Variants in ALG9 observed in about 807,000 individuals in gnomAD.
The protein encoded by ALG9 is alpha-1,2-mannosyltransferase ALG9.
A neutral mutation model predicts 81.8 loss-of-function variants in ALG9; 55 were observed. That is an observed-to-expected ratio of 0.67 (90% confidence interval 0.54 to 0.84). The LOEUF (loss-of-function observed/expected upper bound fraction) is 0.84, where lower values mean the gene tolerates loss of function less well. ALG9 is among the 40% of genes least tolerant of loss of function. ALG9 has a pLI of 0.00. For synonymous variants in ALG9, 278 were observed against 274.3 expected (o/e 1.01, Z -0.13); for missense variants, 629 against 745.0 (o/e 0.84, Z 1.81).
intron 10 of ALG9, 107 bp from the exon 11 acceptor site, chr11:111,838,506 C>T: frequency 9.9e-7 from 1 of 1,014,016 alleles, no homozygotes; most frequent in Non-Finnish European, 1.5e-6. Context: ...TGAGCATTTG[C>T]CAACAGTGAG....
chr11:111,856,304 A>T (rs1278691143), intron 6 of ALG9, among the ~76,000 whole-genome samples: 1 of 151,102 alleles, frequency 6.6e-6, no homozygotes, highest in Non-Finnish European at 1.5e-5. Context: ...AAAGAAAAAA[A>T]AATTGTTCAC....
At chr11:111,838,675 T>G (rs535615960) in intron 10 of ALG9, among the ~76,000 whole-genome samples, 4 of 152,192 alleles carry the variant, frequency 2.6e-5, no homozygotes, top group Non-Finnish European at 5.9e-5. Context: ...TTATTTTTTT[T>G]AAATATTTAA....
At chr11:111,812,930 A>AAAAAAAAAAG (rs1304441765) in intron 13 of ALG9, among the ~76,000 whole-genome samples, 7 of 150,998 alleles carry the variant, frequency 4.6e-5, no homozygotes, top group African/African-American at 1.7e-4. Flanking sequence ...AAAAAAAAAA[A>AAAAAAAAAAG]AAAGAAATTA....
intron 2 of ALG9, among the ~76,000 whole-genome samples, chr11:111,869,676 G>A (rs373444447): frequency 2.0e-5 from 3 of 152,034 alleles, no homozygotes; most frequent in Admixed American, 6.6e-5. Context: ...TAAATCATCC[G>A]CTTAGAATAC....
rs1470319455 is a variant in ALG9 at position 111,783,840 on chromosome 11, T to G, written c.*2557A>C. The G allele has an allele frequency of 6.6e-6, 1 of 151,594 alleles. No individual in the cohort carries two copies. The highest frequency in any genetic ancestry group is 1.5e-5 in the Non-Finnish European group (1 of 67,966). 9.4% of individuals were successfully genotyped at this position (151,594 alleles called of 1,614,324 possible). ...GAGATCCAAAATCAGGTTTTAAAAG[T>G]GATAGGAACTGATATTTCCAAGGAA... On this transcript the variant is annotated 3_prime_UTR_variant, in exon 15 of 15. Transcript: ENST00000616540.
At chr11:111,790,389 C>T (rs1334053601) in intron 14 of ALG9, among the ~76,000 whole-genome samples, 1 of 152,082 alleles carries the variant, frequency 6.6e-6, no homozygotes, top group Non-Finnish European at 1.5e-5. Context: ...TTCCTGTAAT[C>T]CTGGGTACAT....
chr11:111,780,117 G>A (rs1280916540), downstream of ALG9, among the ~76,000 whole-genome samples: 2 of 152,112 alleles, frequency 1.3e-5, no homozygotes, highest in East Asian at 3.9e-4. Flanking sequence ...GTAGCTGGTA[G>A]GGCCCGATCA....
At chr11:111,780,329 A>G (rs542388637), downstream of ALG9, among the ~76,000 whole-genome samples, 9 of 151,794 alleles carry the variant, frequency 5.9e-5, no homozygotes, top group Middle Eastern at 3.4e-3. Flanking sequence ...ATAAACATTC[A>G]TATCTTCCAA....
At chr11:111,778,562 A>T (rs1206652543), downstream of ALG9, among the ~76,000 whole-genome samples, 2 of 152,130 alleles carry the variant, frequency 1.3e-5, no homozygotes, top group Non-Finnish European at 2.9e-5. Context: ...GCCTAGATGA[A>T]GGCCTGGGTA....
At chr11:111,798,604 C>A (rs538974883) in intron 14 of ALG9, among the ~76,000 whole-genome samples, 2 of 152,262 alleles carry the variant, frequency 1.3e-5, no homozygotes, top group South Asian at 2.1e-4. Context: ...AAAAAAAAAT[C>A]TTTTATTTTA....
intron 13 of ALG9, among the ~76,000 whole-genome samples, chr11:111,822,479 A>C (rs1284723675): frequency 2.6e-5 from 4 of 151,722 alleles, no homozygotes; most frequent in Admixed American, 1.3e-4. Context: ...TGGGAGGCCA[A>C]GGTGGGCAGA....
chr11:111,870,081 G>C (rs1296582407), intron 2 of ALG9, 151 bp downstream of exon 2: 1 of 938,216 alleles, frequency 1.1e-6, no homozygotes, highest in African/African-American at 1.8e-5. Flanking sequence ...CAAAGTGCTG[G>C]GATTATAGGC....
chr11:111,786,107 T>C lies in ALG9; in HGVS notation c.*290A>G. ...GCTCTTCTCCGGTCTAGTAAATAATTGAACAGAGGAAAAACAATGAGATGT... is the reference window on the plus strand; with the variant it reads ...GCTCTTCTCCGGTCTAGTAAATAATCGAACAGAGGAAAAACAATGAGATGT... On this transcript the variant is annotated 3_prime_UTR_variant, in exon 15 of 15. Transcript: ENST00000616540. 2.1e-6 allele frequency: 1 copy of C among 487,202 alleles called. No individual in the cohort carries two copies. Among genetic ancestry groups the C allele is most frequent in the South Asian group, 1.5e-5 (1 of 64,884 alleles). 30.2% of individuals were successfully genotyped at this position (487,202 alleles called of 1,614,324 possible). A position where few individuals can be genotyped will look rare whatever the true frequency, so the allele number is the denominator to read the frequency against.
intron 13 of ALG9, among the ~76,000 whole-genome samples, chr11:111,827,131 C>T (rs1428035209): frequency 6.6e-6 from 1 of 152,112 alleles, no homozygotes; most frequent in African/African-American, 2.4e-5. Flanking sequence ...TCTTTCAATT[C>T]CTTCTTTTCC....
intron 1 of ALG9, chr11:111,870,642 G>T: frequency 1.2e-6 from 1 of 801,750 alleles, no homozygotes; most frequent in Non-Finnish European, 1.6e-6. Flanking sequence ...TCCTGCCTCA[G>T]CCTTCTGAAG....
chr11:111,829,996 A>G (rs1258369758), intron 13 of ALG9, among the ~76,000 whole-genome samples: 1 of 152,232 alleles, frequency 6.6e-6, no homozygotes, highest in African/African-American at 2.4e-5. Flanking sequence ...CTAAAATATA[A>G]ACACTCCAGT....
chr11:111,864,787 T>G (rs1961714331), intron 4 of ALG9, among the ~76,000 whole-genome samples: 1 of 152,130 alleles, frequency 6.6e-6, no homozygotes, highest in African/African-American at 2.4e-5. Context: ...TCTTTCTCTT[T>G]TTTTTTTGAG....
intron 13 of ALG9, among the ~76,000 whole-genome samples, chr11:111,819,834 G>T (rs1952045905): frequency 6.6e-6 from 1 of 152,150 alleles, no homozygotes; most frequent in Admixed American, 6.5e-5. Context: ...AATACACCTG[G>T]TGCCTGGTAC....
chr11:111,842,651 T>A (rs1300215202), intron 9 of ALG9, among the ~76,000 whole-genome samples: 1 of 152,042 alleles, frequency 6.6e-6, no homozygotes, highest in Non-Finnish European at 1.5e-5. Flanking sequence ...CTTGAACTCC[T>A]GGGTTCAAGC....
Sources: gnomAD v4.1 joint callset for allele counts (sites outside exome capture counted in the v4.1 genomes callset) on GRCh38, gnomAD v4.1.1 for gene constraint, MANE v1.5 for transcripts, NCBI Gene and HGNC (gene_info 2026-07-23, HGNC 2026-07-21) for gene names.